Variants in NOX3 observed in about 807,000 individuals in gnomAD.
The protein encoded by NOX3 is NADPH oxidase catalytic subunit-like 3.
NOX3 carries 74 observed loss-of-function variants against 76.7 expected under a neutral mutation model. That is an observed-to-expected ratio of 0.96 (90% CI 0.80 to 1.17). The LOEUF (loss-of-function observed/expected upper bound fraction) is 1.17. NOX3 is among the 50% of genes most tolerant of loss of function. The pLI is 0.00. For missense variants in NOX3, 695 were observed against 703.3 expected, an observed-to-expected ratio of 0.99 and a Z score of 0.13; for synonymous variants, 263 against 261.1, an observed-to-expected ratio of 1.01 and a Z score of -0.07.
chr6:155,421,921 T>C (rs1426562173), intron 10 of NOX3, among the ~76,000 whole-genome samples: 1 of 152,202 alleles, frequency 6.6e-6, no homozygotes, highest in Non-Finnish European at 1.5e-5. Context: ...AGATGTCCCA[T>C]GGTTTACACA....
intron 9 of NOX3, among the ~76,000 whole-genome samples, chr6:155,423,743 CT>C (rs528445827): frequency 0.019 from 2,615 of 137,494 alleles, 58 homozygotes; most frequent in African/African-American, 0.059. Context: ...TTTTCTTTTT[CT>C]TTTTTTTTTT....
At chr6:155,422,331 C>G (rs1016937702) in intron 10 of NOX3, among the ~76,000 whole-genome samples, 4 of 152,202 alleles carry the variant, frequency 2.6e-5, no homozygotes, top group African/African-American at 9.7e-5. Flanking sequence ...GAATTGTACA[C>G]TTGCAACCAC....
chr6:155,416,940 G>A (rs1313969265), intron 10 of NOX3, among the ~76,000 whole-genome samples: 3 of 151,882 alleles, frequency 2.0e-5, no homozygotes, highest in Non-Finnish European at 2.9e-5. Flanking sequence ...TAGTAGAGAT[G>A]GGGTTTTGCC....
chr6:155,442,049 G>A (rs961724060), intron 5 of NOX3, among the ~76,000 whole-genome samples: 8 of 152,158 alleles, frequency 5.3e-5, no homozygotes, highest in Non-Finnish European at 7.3e-5. Context: ...CGGATCACGA[G>A]GTCAGGCGAT....
intron 10 of NOX3, among the ~76,000 whole-genome samples, chr6:155,413,277 T>C (rs888732847): frequency 6.6e-6 from 1 of 152,046 alleles, no homozygotes; most frequent in Non-Finnish European, 1.5e-5. Context: ...GAGTGAGACC[T>C]TTCCAGGAAG....
chr6:155,455,192 C>T (rs1777199181), intron 1 of NOX3, 63 bp from the exon 2 acceptor site: 4 of 1,023,536 alleles, frequency 3.9e-6, no homozygotes, highest in African/African-American at 1.6e-5. Flanking sequence ...TATTCAAAAT[C>T]ACTTGGGGTT....
chr6:155,419,941 A>G (rs2114687590), intron 10 of NOX3, among the ~76,000 whole-genome samples: 1 of 152,182 alleles, frequency 6.6e-6, no homozygotes, highest in East Asian at 1.9e-4. Context: ...GCCATTGTTT[A>G]TTCTTTTTGG....
rs1776903604 is a variant in NOX3, at chr6:155,436,399, C to T, written c.798+19G>A. The T allele has an allele frequency of 4.3e-6, 7 of 1,613,512 alleles. No individual in the cohort carries two copies. Among genetic ancestry groups the T allele is most frequent in the East Asian group, 2.2e-5 (1 of 44,884 alleles). Reference sequence around the variant, plus strand: ...CTGTGGTGACATTTATTTTTAAAAGCTCCTGGGTTCATTCTTACCGAGGGT... The same window carrying T: ...CTGTGGTGACATTTATTTTTAAAAGTTCCTGGGTTCATTCTTACCGAGGGT... On this transcript the variant is annotated intron_variant, in intron 7 of 13. Transcript: ENST00000159060.
At chr6:155,448,286 T>C (rs1038187137) in intron 4 of NOX3, among the ~76,000 whole-genome samples, 1 of 152,190 alleles carries the variant, frequency 6.6e-6, no homozygotes, top group African/African-American at 2.4e-5. Flanking sequence ...ATGGAAGTAA[T>C]GCAAACACAA....
chr6:155,399,297 G>C (rs1779180009), intron 12 of NOX3, among the ~76,000 whole-genome samples: 1 of 152,182 alleles, frequency 6.6e-6, no homozygotes, highest in South Asian at 2.1e-4. Context: ...AACAGTAACT[G>C]CAGACCTGAT....
At chr6:155,447,994 G>C (rs1382359834) in intron 4 of NOX3, among the ~76,000 whole-genome samples, 1 of 152,198 alleles carries the variant, frequency 6.6e-6, no homozygotes, top group African/African-American at 2.4e-5. Flanking sequence ...AAGGGCTACA[G>C]AGGTGGGATA....
intron 12 of NOX3, among the ~76,000 whole-genome samples, chr6:155,403,427 T>C (rs1210673042): frequency 6.6e-6 from 1 of 152,160 alleles, no homozygotes; most frequent in Non-Finnish European, 1.5e-5. Context: ...AGTTACCATG[T>C]TCTAGAGTCT....
At chr6:155,399,548 C>G (rs1350454724) in intron 12 of NOX3, among the ~76,000 whole-genome samples, 1 of 152,188 alleles carries the variant, frequency 6.6e-6, no homozygotes, top group African/African-American at 2.4e-5. Context: ...GTGGAAAGGT[C>G]AGCCCTTCAC....
At chr6:155,453,578 C>A (rs554093591) in intron 3 of NOX3, 90 bp from the exon 4 acceptor site, 2 of 1,004,398 alleles carry the variant, frequency 2.0e-6, no homozygotes, top group Admixed American at 1.7e-5. Context: ...TCAGGCTCTG[C>A]CTCTAAACTG....
chr6:155,397,280 G>A (rs1779152314), intron 12 of NOX3, among the ~76,000 whole-genome samples: 1 of 152,060 alleles, frequency 6.6e-6, no homozygotes, highest in African/African-American at 2.4e-5. Flanking sequence ...GAGTTCAGTA[G>A]TTGAGAGTGG....
intron 10 of NOX3, among the ~76,000 whole-genome samples, chr6:155,416,632 A>G (rs950583423): frequency 1.3e-5 from 2 of 151,734 alleles, no homozygotes; most frequent in African/African-American, 4.8e-5. Context: ...TAACTATTTC[A>G]TGACTATATT....
At chr6:155,448,444 G>A (rs113309541) in intron 4 of NOX3, among the ~76,000 whole-genome samples, 2 of 152,186 alleles carry the variant, frequency 1.3e-5, no homozygotes, top group African/African-American at 4.8e-5. Context: ...GCCCTTGGAG[G>A]ACCGCAAGAC....
chr6:155,424,966 T>C (rs1277027478), intron 9 of NOX3, among the ~76,000 whole-genome samples: 1 of 152,226 alleles, frequency 6.6e-6, no homozygotes, highest in Non-Finnish European at 1.5e-5. Flanking sequence ...ATCTTTAGAA[T>C]TGAAACTCAA....
At chr6:155,437,391 A>G (rs1203607646) in intron 6 of NOX3, among the ~76,000 whole-genome samples, 2 of 152,236 alleles carry the variant, frequency 1.3e-5, no homozygotes, top group African/African-American at 2.4e-5. Context: ...AAACCTTAGC[A>G]TCACACAGAC....
Sources: allele counts gnomAD v4.1 joint callset (sites outside exome capture counted in the v4.1 genomes callset), GRCh38; gene constraint gnomAD v4.1.1; transcripts MANE v1.5; gene names NCBI Gene and HGNC (gene_info 2026-07-23, HGNC 2026-07-21).